The following NEGR1 variants were observed in gnomAD, a reference collection of about 807,000 sequenced individuals.
NEGR1 encodes the protein neuronal growth regulator 1, also known as IgLON family member 4.
In NEGR1, 10 loss-of-function variants were observed where a neutral mutation model predicts 40.9. The ratio of observed to expected loss-of-function variants is 0.24; its 90% CI spans 0.15 to 0.42. NEGR1 has a LOEUF of 0.42. NEGR1 is among the 10% of genes least tolerant of loss of function. The probability of loss-of-function intolerance (pLI) is 1.00; values close to 1 mark genes in which losing one functional copy is unlikely to be tolerated. For synonymous variants in NEGR1, 185 were observed against 166.8 expected (o/e 1.11, Z -0.84); for missense variants, 352 against 438.9 (o/e 0.80, Z 1.77).
chr1:71,967,275 C>T (rs190983725), intron 1 of NEGR1, among the ~76,000 whole-genome samples: 21 of 152,154 alleles, frequency 1.4e-4, no homozygotes, highest in Admixed American at 7.9e-4. Flanking sequence ...TGGATTATGA[C>T]GGTGGGAAAA....
At chr1:72,205,055 T>G (rs1457196964) in intron 1 of NEGR1, among the ~76,000 whole-genome samples, 1 of 152,046 alleles carries the variant, frequency 6.6e-6, no homozygotes, top group Non-Finnish European at 1.5e-5. Context: ...TATGAAAAAC[T>G]GTATTACATT....
At chr1:71,468,907 A>G (rs1646764914) in intron 6 of NEGR1, 1 of 152,078 alleles carries the variant, frequency 6.6e-6, no homozygotes, top group African/African-American at 2.4e-5. Context: ...GATATTAAAT[A>G]TTCAAGAAAC....
intron 1 of NEGR1, among the ~76,000 whole-genome samples, chr1:72,201,126 G>C (rs570155868): frequency 6.6e-6 from 1 of 151,616 alleles, no homozygotes; most frequent in Non-Finnish European, 1.5e-5. Context: ...ATTTTACATT[G>C]TGTGGAAATG....
chr1:71,778,535 T>C (rs920344442), intron 2 of NEGR1, among the ~76,000 whole-genome samples: 8 of 152,136 alleles, frequency 5.3e-5, no homozygotes, highest in Admixed American at 5.2e-4. Flanking sequence ...AACCTTATCA[T>C]AACATGAGGA....
chr1:72,039,681 A>G (rs1646935181), intron 1 of NEGR1, among the ~76,000 whole-genome samples: 1 of 151,988 alleles, frequency 6.6e-6, no homozygotes, highest in Non-Finnish European at 1.5e-5. Flanking sequence ...AGAAACCTTC[A>G]GGAACTTGAT....
intron 2 of NEGR1, among the ~76,000 whole-genome samples, chr1:71,926,476 G>A (rs1645774200): frequency 6.6e-6 from 1 of 151,760 alleles, no homozygotes; most frequent in African/African-American, 2.4e-5. Flanking sequence ...GTAGATCCAA[G>A]ACACTGAATT....
chr1:72,142,045 C>T (rs1650697397), intron 1 of NEGR1, among the ~76,000 whole-genome samples: 1 of 151,870 alleles, frequency 6.6e-6, no homozygotes, highest in Admixed American at 6.6e-5. Context: ...CATAAATAAA[C>T]CAATAGAGTA....
At chr1:71,422,577 C>T (rs1169619833) in intron 6 of NEGR1, 1 of 152,166 alleles carries the variant, frequency 6.6e-6, no homozygotes, top group Non-Finnish European at 1.5e-5. Context: ...CTCAAAGTCA[C>T]TTACAGGACG....
At chr1:71,708,732 T>C (rs551017390) in intron 3 of NEGR1, among the ~76,000 whole-genome samples, 3 of 152,308 alleles carry the variant, frequency 2.0e-5, no homozygotes, top group Non-Finnish European at 4.4e-5. Context: ...CATTAGCTAT[T>C]CTTCCTGATG....
intron 3 of NEGR1, among the ~76,000 whole-genome samples, chr1:71,775,284 C>T (rs1014628645): frequency 1.3e-5 from 2 of 151,976 alleles, no homozygotes; most frequent in Admixed American, 1.3e-4. Context: ...AGAAAATAAC[C>T]TTGACTAAGA....
intron 4 of NEGR1, among the ~76,000 whole-genome samples, chr1:71,646,062 T>G (rs1414370565): frequency 6.6e-6 from 1 of 151,768 alleles, no homozygotes; most frequent in Admixed American, 6.6e-5. Flanking sequence ...CATGACAATA[T>G]TTTAGTCTTT....
intron 2 of NEGR1, among the ~76,000 whole-genome samples, chr1:71,791,690 A>G (rs1557653734): frequency 6.6e-6 from 1 of 152,140 alleles, no homozygotes; most frequent in Non-Finnish European, 1.5e-5. Context: ...TAGTTAAGAG[A>G]GAAAATGAGA....
chr1:71,999,416 G>A (rs1646534810), intron 1 of NEGR1, among the ~76,000 whole-genome samples: 1 of 151,208 alleles, frequency 6.6e-6, no homozygotes, highest in Non-Finnish European at 1.5e-5. Context: ...TGTCTGGGAA[G>A]ATGACAAATA....
intron 1 of NEGR1, among the ~76,000 whole-genome samples, chr1:71,967,547 A>G (rs554547355): frequency 5.9e-4 from 90 of 152,310 alleles, no homozygotes; most frequent in African/African-American, 2.1e-3. Context: ...CATGATTATA[A>G]TTTTTATAGA....
intron 6 of NEGR1, among the ~76,000 whole-genome samples, chr1:71,557,848 C>A (rs1021973262): frequency 9.9e-5 from 15 of 151,634 alleles, no homozygotes; most frequent in African/African-American, 2.7e-4. Context: ...AAGATCCAAT[C>A]CAGGATACGG....
chr1:72,009,926 G>GA (rs547726359), intron 1 of NEGR1, among the ~76,000 whole-genome samples: 36 of 147,664 alleles, frequency 2.4e-4, no homozygotes, highest in Non-Finnish European at 4.0e-4. Context: ...CTGGGAGGTA[G>GA]AAAAAAAAAA....
At chr1:71,761,672 T>C (rs1042637049) in intron 3 of NEGR1, among the ~76,000 whole-genome samples, 10 of 152,146 alleles carry the variant, frequency 6.6e-5, no homozygotes, top group Admixed American at 2.0e-4. Flanking sequence ...AAATAATGAC[T>C]GACATCTTTT....
intron 6 of NEGR1, among the ~76,000 whole-genome samples, chr1:71,568,855 TGTG>T (rs1193110643): frequency 6.6e-6 from 1 of 151,496 alleles, no homozygotes; most frequent in Non-Finnish European, 1.5e-5. Flanking sequence ...TGTGTGTGTG[TGTG>T]TGTGTGTGTA....
intron 2 of NEGR1, among the ~76,000 whole-genome samples, chr1:71,798,528 T>C (rs1388336499): frequency 2.0e-5 from 3 of 152,208 alleles, no homozygotes; most frequent in Non-Finnish European, 2.9e-5. Context: ...TCTAACTATT[T>C]ATGCATATTA....
Sources: gnomAD v4.1 joint callset for allele counts (sites outside exome capture counted in the v4.1 genomes callset) on GRCh38, gnomAD v4.1.1 for gene constraint, MANE v1.5 for transcripts, NCBI Gene and HGNC (gene_info 2026-07-23, HGNC 2026-07-21) for gene names.